The following MAD1L1 variants were observed in gnomAD, a reference collection of about 807,000 sequenced individuals.
The protein encoded by MAD1L1 is mitotic spindle assembly checkpoint protein MAD1.
MAD1L1 carries 95 observed loss-of-function variants against 96.9 expected under a neutral mutation model. The ratio of observed to expected loss-of-function variants is 0.98; its 90% CI spans 0.83 to 1.16. MAD1L1 has a LOEUF of 1.16. Among genes scored for constraint, MAD1L1 ranks in the 50% most tolerant of loss-of-function variants. MAD1L1 has a pLI of 0.00. For synonymous variants in MAD1L1, 473 were observed against 396.6 expected, an observed-to-expected ratio of 1.19 and a Z score of -2.29; for missense variants, 1,007 against 954.4, an observed-to-expected ratio of 1.06 and a Z score of -0.73.
intron 16 of MAD1L1, among the ~76,000 whole-genome samples, chr7:1,938,762 A>ACGCGCGCACACACACACACT: frequency 6.9e-6 from 1 of 145,458 alleles, no homozygotes; most frequent in Admixed American, 6.8e-5. Context: ...ACACACACAC[A>ACGCGCGCACACACACACACT]CACACACGCA....
At chr7:2,158,364 G>C (rs887208808) in intron 10 of MAD1L1, among the ~76,000 whole-genome samples, 21 of 152,206 alleles carry the variant, frequency 1.4e-4, no homozygotes, top group Admixed American at 1.3e-4. Flanking sequence ...AGGACTCCGA[G>C]GTGGAAAATG....
intron 18 of MAD1L1, among the ~76,000 whole-genome samples, chr7:1,897,830 G>C (rs959793199): frequency 3.9e-5 from 6 of 152,138 alleles, no homozygotes. Flanking sequence ...CCCCTGCCCC[G>C]GCCCCACACG....
At chr7:1,937,145 A>C (rs1010594231) in intron 16 of MAD1L1, among the ~76,000 whole-genome samples, 1 of 152,200 alleles carries the variant, frequency 6.6e-6, no homozygotes. Context: ...CTTCTGCCTA[A>C]CCACAGGAAC....
intron 18 of MAD1L1, among the ~76,000 whole-genome samples, chr7:1,881,829 G>A (rs1785698727): frequency 6.6e-6 from 1 of 152,188 alleles, no homozygotes; most frequent in South Asian, 2.1e-4. Flanking sequence ...GGTGACGGGT[G>A]ATGAGCCACT....
At chr7:2,102,216 GCCA>G (rs1407574321) in intron 11 of MAD1L1, among the ~76,000 whole-genome samples, 3 of 144,472 alleles carry the variant, frequency 2.1e-5, no homozygotes, top group Admixed American at 6.8e-5. Flanking sequence ...CGTCACCACC[GCCA>G]CCGTCGCCAC....
intron 11 of MAD1L1, among the ~76,000 whole-genome samples, chr7:2,126,779 C>A (rs1016801432): frequency 6.6e-6 from 1 of 152,202 alleles, no homozygotes; most frequent in Non-Finnish European, 1.5e-5. Context: ...GTCAACCCTG[C>A]AGTGAGCCAC....
intron 11 of MAD1L1, among the ~76,000 whole-genome samples, chr7:2,141,559 G>T (rs965192834): frequency 2.6e-5 from 4 of 152,218 alleles, no homozygotes; most frequent in African/African-American, 9.6e-5. Flanking sequence ...GAACAAGAAG[G>T]CACCGCATGA....
chr7:1,844,446 G>T (rs1045747847), intron 18 of MAD1L1, among the ~76,000 whole-genome samples: 1 of 152,150 alleles, frequency 6.6e-6, no homozygotes, highest in East Asian at 1.9e-4. Context: ...CCTGACACGC[G>T]AGGTGTGGGA....
chr7:1,847,529 G>T, intron 18 of MAD1L1: 1 of 471,140 alleles, frequency 2.1e-6, no homozygotes. Flanking sequence ...TTCCATGGGA[G>T]AGACCAGACC....
chr7:2,109,713 C>G (rs1385057929), intron 11 of MAD1L1: 2 of 152,128 alleles, frequency 1.3e-5, no homozygotes, highest in African/African-American at 4.8e-5. Context: ...TATTTAGAAA[C>G]CTCTAAATAA....
intron 12 of MAD1L1, among the ~76,000 whole-genome samples, chr7:2,037,183 T>C (rs1783477890): frequency 6.7e-6 from 1 of 150,126 alleles, no homozygotes; most frequent in South Asian, 2.1e-4. Context: ...TTCGGCTCCT[T>C]CTTTGTCTTC....
At chr7:1,850,880 C>A (rs530182127) in intron 18 of MAD1L1, among the ~76,000 whole-genome samples, 1 of 152,180 alleles carries the variant, frequency 6.6e-6, no homozygotes, top group South Asian at 2.1e-4. Flanking sequence ...GGAGGGCACA[C>A]CGAAACCTGC....
chr7:2,010,641 C>A (rs1782256275), intron 13 of MAD1L1, among the ~76,000 whole-genome samples: 2 of 152,228 alleles, frequency 1.3e-5, no homozygotes, highest in Admixed American at 6.5e-5. Flanking sequence ...TGTTTTCCTG[C>A]AACGTCTCTG....
At chr7:1,975,404 G>A (rs952286020) in intron 15 of MAD1L1, among the ~76,000 whole-genome samples, 7 of 152,212 alleles carry the variant, frequency 4.6e-5, no homozygotes, top group African/African-American at 1.7e-4. Context: ...GTGGGCAGCA[G>A]GAGCGGCTGC....
intron 17 of MAD1L1, among the ~76,000 whole-genome samples, chr7:1,932,139 C>T (rs1162401296): frequency 6.6e-6 from 1 of 152,238 alleles, no homozygotes. Context: ...CCGCTGGAGG[C>T]TGCCCAGGCT....
intron 12 of MAD1L1, among the ~76,000 whole-genome samples, chr7:2,060,307 CGAGATACGCCGATGCT>C (rs1784596372): frequency 1.7e-5 from 2 of 117,984 alleles, no homozygotes; most frequent in Non-Finnish European, 3.6e-5. Flanking sequence ...ACGCCGATCC[CGAGATACGCCGATGCT>C]GAGATACGCC....
chr7:2,221,249 C>T (rs1277515461), intron 5 of MAD1L1, among the ~76,000 whole-genome samples: 1 of 152,298 alleles, frequency 6.6e-6, no homozygotes, highest in South Asian at 2.1e-4. Context: ...CATGGAACCA[C>T]AGGTGCCCGC....
chr7:2,072,772 G>A (rs1301532254), intron 11 of MAD1L1, among the ~76,000 whole-genome samples: 1 of 152,238 alleles, frequency 6.6e-6, no homozygotes, highest in East Asian at 1.9e-4. Context: ...AGAAGGGTAA[G>A]GGGCTGCGCT....
In MAD1L1 at chr7:1,996,243, C is replaced by G. The variant is rs111525414; in HGVS notation, c.1416+5822G>C. Among the ~76,000 whole-genome samples, 285 of 114,578 alleles carry G rather than the reference C, an allele frequency of 2.5e-3. 9 individuals carry two copies. The highest frequency in any genetic ancestry group is 8.6e-3 in the African/African-American group (266 of 31,086). The allele number at this position is 114,578 out of a possible 152,430, so 75.2% of individuals were successfully genotyped here. A position where few individuals can be genotyped will look rare whatever the true frequency, so the allele number is the denominator to read the frequency against. ...CTGGGCGGGCAGGGTCCCCCCGGGT[C>G]TACACACGGCTCCTGGGCGGGCAGG... is the stretch of plus-strand genomic sequence containing the variant. On this transcript the variant is annotated intron_variant, in intron 14 of 18. Transcript: ENST00000265854.
Sources: allele counts gnomAD v4.1 joint callset (sites outside exome capture counted in the v4.1 genomes callset), GRCh38; gene constraint gnomAD v4.1.1; transcripts MANE v1.5; gene names NCBI Gene and HGNC (gene_info 2026-07-23, HGNC 2026-07-21).